Variants in ADGRL3 observed in about 807,000 individuals in gnomAD.
ADGRL3 encodes calcium-independent alpha-latrotoxin receptor 3.
A neutral mutation model predicts 153.5 loss-of-function variants in ADGRL3; 62 were observed. That is an observed-to-expected ratio of 0.40 (90% confidence interval 0.33 to 0.50). The LOEUF is 0.50. ADGRL3 is among the 20% of genes least tolerant of loss of function. ADGRL3 has a pLI of 0.47. For synonymous variants in ADGRL3, 710 were observed against 672.5 expected (o/e 1.06, Z -0.86); for missense variants, 1,641 against 1,859.4 (o/e 0.88, Z 2.16).
At chr4:61,946,369 A>C (rs911533147) in intron 15 of ADGRL3, among the ~76,000 whole-genome samples, 1 of 152,020 alleles carries the variant, frequency 6.6e-6, no homozygotes, top group Non-Finnish European at 1.5e-5. Flanking sequence ...TTATTTTTCT[A>C]AAGTGTGTAT....
intron 1 of ADGRL3, among the ~76,000 whole-genome samples, chr4:61,249,371 A>G (rs1758324798): frequency 6.6e-6 from 1 of 152,138 alleles, no homozygotes; most frequent in Non-Finnish European, 1.5e-5. Context: ...TTTAGCAGTA[A>G]GTGATGCATG....
chr4:61,383,257 T>A (rs2096693341), intron 2 of ADGRL3, 68 bp downstream of exon 2: 1 of 151,880 alleles, frequency 6.6e-6, no homozygotes, highest in Admixed American at 6.6e-5. Context: ...TACATTCAAG[T>A]TAATATATTA....
intron 1 of ADGRL3, among the ~76,000 whole-genome samples, chr4:61,228,698 G>T (rs1223801187): frequency 6.6e-6 from 1 of 152,126 alleles, no homozygotes; most frequent in Non-Finnish European, 1.5e-5. Flanking sequence ...AACTTACACT[G>T]CAGCATAAAT....
intron 2 of ADGRL3, among the ~76,000 whole-genome samples, chr4:61,458,368 A>C (rs2097776090): frequency 6.6e-6 from 1 of 151,410 alleles, no homozygotes. Flanking sequence ...GATTTATAAA[A>C]AACAATAATT....
chr4:61,470,413 C>T (rs1041153694), intron 2 of ADGRL3, among the ~76,000 whole-genome samples: 1 of 151,892 alleles, frequency 6.6e-6, no homozygotes, highest in African/African-American at 2.4e-5. Context: ...CAGATAGACA[C>T]TGCCTTTTTT....
chr4:61,769,838 A>G (rs1399879259), intron 8 of ADGRL3, among the ~76,000 whole-genome samples: 1 of 151,952 alleles, frequency 6.6e-6, no homozygotes, highest in African/African-American at 2.4e-5. Flanking sequence ...GGACTTTCAC[A>G]AGGTAATGTC....
intron 8 of ADGRL3, among the ~76,000 whole-genome samples, chr4:61,751,436 A>G (rs1340984455): frequency 1.3e-5 from 2 of 152,208 alleles, no homozygotes; most frequent in Non-Finnish European, 2.9e-5. Flanking sequence ...GCTCAGAGAT[A>G]TAAAGTCTCC....
chr4:61,383,049 C>G (rs1219844008), intron 1 of ADGRL3, 75 bp from the exon 2 acceptor site: 1 of 151,630 alleles, frequency 6.6e-6, no homozygotes, highest in African/African-American at 2.4e-5. Context: ...TCAAAGCATT[C>G]TACAACTGTA....
intron 1 of ADGRL3, among the ~76,000 whole-genome samples, chr4:61,380,793 A>C (rs1304671635): frequency 6.6e-6 from 1 of 152,040 alleles, no homozygotes; most frequent in African/African-American, 2.4e-5. Flanking sequence ...GCTCCTAAAT[A>C]ATCACATTGC....
At chr4:61,641,090 T>A (rs1340049557) in intron 5 of ADGRL3, among the ~76,000 whole-genome samples, 2 of 152,118 alleles carry the variant, frequency 1.3e-5, no homozygotes, top group East Asian at 3.9e-4. Flanking sequence ...CAGATAAATT[T>A]GGCTTCAAAT....
intron 13 of ADGRL3, among the ~76,000 whole-genome samples, chr4:61,932,425 A>G (rs963976156): frequency 6.6e-6 from 1 of 152,140 alleles, no homozygotes; most frequent in African/African-American, 2.4e-5. Context: ...TTATGCATCT[A>G]TTAAGACAAT....
Position 61,466,857 on chromosome 4 carries a change from T to A in ADGRL3, c.-173-30264T>A, listed in dbSNP as rs531288535. ...AGACAAGCTCCTAGAATTTTTTTTT[T>A]ATCTTGAGTGGCCACATTAATGAAA... On this transcript the variant is annotated intron_variant, in intron 2 of 26. Transcript: ENST00000683033. Among the ~76,000 whole-genome samples, 4 of 152,244 alleles carry A rather than the reference T, an allele frequency of 2.6e-5. No individual in the cohort carries two copies. The East Asian group carries it at 7.7e-4, about 29-fold the overall frequency.
chr4:61,366,741 A>C (rs908424393), intron 1 of ADGRL3, among the ~76,000 whole-genome samples: 7 of 152,086 alleles, frequency 4.6e-5, no homozygotes, highest in Non-Finnish European at 8.8e-5. Flanking sequence ...TATGATGTAA[A>C]TTGTGTTCCA....
chr4:62,030,533 C>G (rs1408471634), intron 22 of ADGRL3, among the ~76,000 whole-genome samples: 2 of 151,520 alleles, frequency 1.3e-5, no homozygotes. Flanking sequence ...CATAACTTAA[C>G]CACAAATATA....
intron 5 of ADGRL3, among the ~76,000 whole-genome samples, chr4:61,648,479 G>T (rs1482639194): frequency 6.9e-6 from 1 of 144,650 alleles, no homozygotes; most frequent in South Asian, 2.2e-4. Context: ...TATCTCTTTT[G>T]TCATTCATAT....
intron 21 of ADGRL3, among the ~76,000 whole-genome samples, chr4:62,023,370 C>T (rs1211536712): frequency 6.6e-6 from 1 of 152,164 alleles, no homozygotes; most frequent in East Asian, 1.9e-4. Context: ...GGTAAAGATG[C>T]TGTGCACATT....
At chr4:61,539,044 G>A (rs1157182781) in intron 4 of ADGRL3, among the ~76,000 whole-genome samples, 13 of 152,202 alleles carry the variant, frequency 8.5e-5, no homozygotes, top group Non-Finnish European at 4.4e-5. Flanking sequence ...GCAGACCATG[G>A]TGGCTACCAC....
At chr4:61,729,604 T>C (rs2096405572) in intron 6 of ADGRL3, among the ~76,000 whole-genome samples, 1 of 151,974 alleles carries the variant, frequency 6.6e-6, no homozygotes, top group African/African-American at 2.4e-5. Flanking sequence ...AAATCTGTGA[T>C]TTTTTAAAGT....
intron 2 of ADGRL3, among the ~76,000 whole-genome samples, chr4:61,485,959 C>T (rs335290): frequency 0.94 from 143,083 of 151,598 alleles, 68,034 homozygotes; most frequent in East Asian, 1. Context: ...TTTTTTGTTT[C>T]CTTTGATGGA....
Sources: gnomAD v4.1 joint callset for allele counts (sites outside exome capture counted in the v4.1 genomes callset) on GRCh38, gnomAD v4.1.1 for gene constraint, MANE v1.5 for transcripts, NCBI Gene and HGNC (gene_info 2026-07-23, HGNC 2026-07-21) for gene names.